The following L3MBTL4 variants were observed in gnomAD, a reference collection of about 807,000 sequenced individuals.
L3MBTL4 encodes L3MBTL histone methyl-lysine binding protein 4.
In L3MBTL4, 70 loss-of-function variants were observed where a neutral mutation model predicts 84.5. The observed-to-expected ratio is 0.83, with a 90% CI of 0.68 to 1.01. The LOEUF is 1.01. Ranked by LOEUF, L3MBTL4 falls within the 50% of genes least tolerant of loss-of-function variation. L3MBTL4 has a pLI of 0.00. For missense variants in L3MBTL4, 715 were observed against 754.8 expected (o/e 0.95, Z 0.62); for synonymous variants, 274 against 259.8 (o/e 1.05, Z -0.52).
intron 1 of L3MBTL4, among the ~76,000 whole-genome samples, chr18:6,361,124 G>A (rs1020117195): frequency 2.0e-5 from 3 of 151,978 alleles, no homozygotes; most frequent in Non-Finnish European, 4.4e-5. Flanking sequence ...ATAGTAACAG[G>A]CCTTATTGAT....
chr18:6,097,107 C>T (rs907664035), intron 14 of L3MBTL4, among the ~76,000 whole-genome samples: 6 of 152,176 alleles, frequency 3.9e-5, no homozygotes, highest in African/African-American at 1.2e-4. Context: ...AGTTGAGTAT[C>T]AGAAATTTTG....
At chr18:6,240,795 G>A (rs1190647628) in intron 8 of L3MBTL4, among the ~76,000 whole-genome samples, 1 of 152,166 alleles carries the variant, frequency 6.6e-6, no homozygotes, top group Admixed American at 6.5e-5. Flanking sequence ...TTCAGTGAGT[G>A]GCCTGCACAG....
At chr18:6,229,050 C>A (rs1424959879) in intron 10 of L3MBTL4, among the ~76,000 whole-genome samples, 1 of 151,944 alleles carries the variant, frequency 6.6e-6, no homozygotes, top group Non-Finnish European at 1.5e-5. Context: ...AAACTCTAAG[C>A]TAAAAAAATT....
chr18:6,355,170 G>GT (rs1001812917), intron 1 of L3MBTL4, among the ~76,000 whole-genome samples: 2 of 152,048 alleles, frequency 1.3e-5, no homozygotes, highest in East Asian at 1.9e-4. Context: ...GCTTTTTTAT[G>GT]TTTTTTAAAT....
chr18:6,176,377 A>C (rs2044225528), intron 12 of L3MBTL4, among the ~76,000 whole-genome samples: 1 of 152,210 alleles, frequency 6.6e-6, no homozygotes, highest in Non-Finnish European at 1.5e-5. Context: ...AATAAAACAA[A>C]ATACTGCATA....
intron 16 of L3MBTL4, among the ~76,000 whole-genome samples, chr18:6,033,198 T>G (rs758206798): frequency 8.5e-5 from 13 of 152,214 alleles, no homozygotes; most frequent in Non-Finnish European, 1.5e-4. Flanking sequence ...GTTATATCCT[T>G]TTGTGGTATT....
At chr18:6,210,423 G>A (rs1191770779) in intron 12 of L3MBTL4, among the ~76,000 whole-genome samples, 2 of 152,240 alleles carry the variant, frequency 1.3e-5, no homozygotes, top group South Asian at 2.1e-4. Context: ...AGTAGGAAGA[G>A]TAGGAATGCT....
intron 13 of L3MBTL4, among the ~76,000 whole-genome samples, chr18:6,144,668 T>G (rs1598896809): frequency 6.6e-6 from 1 of 152,182 alleles, no homozygotes; most frequent in Non-Finnish European, 1.5e-5. Context: ...ACACCCTCAT[T>G]CCCAGCCTCT....
At chr18:6,136,604 A>G (rs2060035699) in intron 14 of L3MBTL4, among the ~76,000 whole-genome samples, 1 of 152,192 alleles carries the variant, frequency 6.6e-6, no homozygotes. Flanking sequence ...TGCTTTCCAC[A>G]ACCGATCAGA....
At chr18:6,311,766 T>C (rs2050845343) in intron 2 of L3MBTL4, 110 bp from the exon 3 acceptor site, 1 of 664,286 alleles carries the variant, frequency 1.5e-6, no homozygotes, top group Admixed American at 2.5e-5. Flanking sequence ...TTGGTTACTA[T>C]AAATAACCTG....
At chr18:6,029,611 A>G (rs2055682304) in intron 16 of L3MBTL4, 1 of 985,156 alleles carries the variant, frequency 1.0e-6, no homozygotes, top group South Asian at 4.7e-5. Context: ...AGAAGGACGC[A>G]AGTTCTACAT....
rs1272547743 is a variant in L3MBTL4 at position 6,029,943 on chromosome 18, TGACACCTACA to T, written c.1444+50928_1444+50937del. On this transcript the variant is annotated intron_variant, in intron 16 of 18. Transcript: ENST00000317931. ...GACACTTTTTATTTTCCAGTCAAGC[TGACACCTACA>T]GAAGACACTTTGAAGCCTCCTTTAC... is the stretch of plus-strand genomic sequence containing the variant. The T allele has an allele frequency of 6.1e-6, 6 of 985,456 alleles. No homozygotes were observed. In the East Asian group the frequency reaches 6.8e-4, roughly 112 times the overall value. 61.0% of individuals were successfully genotyped at this position (985,456 alleles called of 1,614,324 possible).
At chr18:6,315,852 T>A (rs910734991) in intron 1 of L3MBTL4, among the ~76,000 whole-genome samples, 1 of 152,188 alleles carries the variant, frequency 6.6e-6, no homozygotes, top group African/African-American at 2.4e-5. Context: ...TTTAAAAAAT[T>A]TTGCCTTTAT....
chr18:5,985,498 G>A (rs1001473277), intron 16 of L3MBTL4, among the ~76,000 whole-genome samples: 1 of 152,152 alleles, frequency 6.6e-6, no homozygotes, highest in Non-Finnish European at 1.5e-5. Context: ...AGGAAAAGGA[G>A]GCACAAAAAG....
chr18:6,147,877 T>C (rs1002757032), intron 13 of L3MBTL4, among the ~76,000 whole-genome samples: 1 of 152,200 alleles, frequency 6.6e-6, no homozygotes, highest in East Asian at 1.9e-4. Context: ...CAAAATATAG[T>C]AAAATGCATT....
intron 15 of L3MBTL4, among the ~76,000 whole-genome samples, chr18:6,085,759 C>G (rs1220542066): frequency 6.6e-6 from 1 of 152,136 alleles, no homozygotes; most frequent in African/African-American, 2.4e-5. Flanking sequence ...ATAAAGCACC[C>G]AGTCTCAGGC....
chr18:6,007,690 G>A (rs901048175), intron 16 of L3MBTL4, among the ~76,000 whole-genome samples: 1 of 152,150 alleles, frequency 6.6e-6, no homozygotes, highest in Admixed American at 6.5e-5. Context: ...ACAGAAGACT[G>A]GAAATACCCA....
chr18:5,962,081 G>T (rs1243351190), intron 17 of L3MBTL4, among the ~76,000 whole-genome samples: 10 of 152,186 alleles, frequency 6.6e-5, no homozygotes, highest in African/African-American at 2.4e-4. Flanking sequence ...AATTTTCAAT[G>T]AGTTGATTTG....
chr18:6,295,223 G>A (rs1180353443), intron 4 of L3MBTL4, among the ~76,000 whole-genome samples: 1 of 151,518 alleles, frequency 6.6e-6, no homozygotes, highest in Non-Finnish European at 1.5e-5. Context: ...AATGAGCCGG[G>A]ATAGTGCCAC....
Sources: gnomAD v4.1 joint callset for allele counts (sites outside exome capture counted in the v4.1 genomes callset) on GRCh38, gnomAD v4.1.1 for gene constraint, MANE v1.5 for transcripts, NCBI Gene and HGNC (gene_info 2026-07-23, HGNC 2026-07-21) for gene names.